Variants in MGAT5B observed in about 807,000 individuals in gnomAD.
MGAT5B encodes the protein alpha-1,6-mannosylglycoprotein 6-beta-N-acetylglucosaminyltransferase B.
A neutral mutation model predicts 95.1 loss-of-function variants in MGAT5B; 54 were observed. That is an observed-to-expected ratio of 0.57 (90% CI 0.46 to 0.71). MGAT5B has a LOEUF of 0.71. MGAT5B is among the 30% of genes least tolerant of loss of function. The pLI is 0.00. For missense variants in MGAT5B, 935 were observed against 1,088.6 expected (o/e 0.86, Z 1.99); for synonymous variants, 464 against 451.0 (o/e 1.03, Z -0.36).
intron 1 of MGAT5B, among the ~76,000 whole-genome samples, chr17:76,871,616 G>C (rs1207004326): frequency 6.6e-6 from 1 of 152,224 alleles, no homozygotes; most frequent in East Asian, 1.9e-4. Context: ...AAATAATGAA[G>C]ATTAAAATGC....
At chr17:76,883,645 T>C (rs560622881) in intron 3 of MGAT5B, among the ~76,000 whole-genome samples, 25 of 152,340 alleles carry the variant, frequency 1.6e-4, no homozygotes, top group Admixed American at 1.6e-3. Flanking sequence ...CGAGCTCCAC[T>C]TTCCCTCTTT....
At position 76,916,365 on chromosome 17, in the gene MGAT5B, G is replaced by A. The variant is rs139053977; in HGVS notation, c.1026-8601G>A. Among the ~76,000 whole-genome samples the A allele has an allele frequency of 4.5e-4, 69 of 152,368 alleles. No homozygotes were observed. The East Asian group carries it at 0.011, about 25-fold the overall frequency. On this transcript the variant is annotated intron_variant, in intron 8 of 17. Transcript: ENST00000569840. The surrounding 1 kb of genome is among the most constrained non-coding windows in gnomAD (Gnocchi z 5.3). ...AAGCAAGACCGATGGAGGCCGTGCC[G>A]TGTCGCCTTTCCCAGCTCTGGCCTG...
At chr17:76,896,889 C>T (rs540420866) in intron 3 of MGAT5B, among the ~76,000 whole-genome samples, 135 of 152,234 alleles carry the variant, frequency 8.9e-4, no homozygotes, top group Admixed American at 1.5e-3. Context: ...TTCTTGACAG[C>T]AGGAGCATCC....
rs1967057258 is a variant in MGAT5B, at chr17:76,872,836, C to T, written c.69-15C>T. The T allele has an allele frequency of 6.2e-7, 1 of 1,614,092 alleles. No individual in the cohort carries two copies. The highest frequency in any genetic ancestry group is 1.3e-5 in the African/African-American group (1 of 74,940). ...CCCTTCCTGCCCTCCTGACCCGCCTCCTTCCTCTCCGCAGGCTTTTTGTCC... is the reference window on the plus strand; with the variant it reads ...CCCTTCCTGCCCTCCTGACCCGCCTTCTTCCTCTCCGCAGGCTTTTTGTCC... On this transcript the variant is annotated splice_polypyrimidine_tract_variant and intron_variant, in intron 1 of 17. Transcript: ENST00000569840.
At chr17:76,897,048 T>C (rs954380183) in intron 3 of MGAT5B, among the ~76,000 whole-genome samples, 1 of 152,126 alleles carries the variant, frequency 6.6e-6, no homozygotes, top group Non-Finnish European at 1.5e-5. Flanking sequence ...TCTGAGTAGC[T>C]GGGACCACAG....
rs1598938274 is a variant in MGAT5B, at chr17:76,905,335, T to G, written c.855+2T>G. The G allele has an allele frequency of 6.3e-7, 1 of 1,581,488 alleles. No homozygotes were observed. The highest frequency in any genetic ancestry group is 8.6e-7 in the Non-Finnish European group (1 of 1,158,846). On this transcript the variant is annotated splice_donor_variant, in intron 7 of 17. Coordinates refer to ENST00000569840, the MANE Select transcript of MGAT5B (RefSeq NM_001199172.2). LOFTEE classifies it high-confidence loss of function. This position sits in a 1 kb window ranked among gnomAD's most constrained non-coding sequence, Gnocchi z 4.2. ...GCCACCCAGAGGGACCAGAAGCAGG[T>G]GCGTGGCCCCTGCCCCCTCATGTGC...
At chr17:76,911,237 T>C (rs1030880728) in intron 8 of MGAT5B, among the ~76,000 whole-genome samples, 2 of 152,218 alleles carry the variant, frequency 1.3e-5, no homozygotes, top group African/African-American at 4.8e-5. Flanking sequence ...GGCTGTGGCT[T>C]TTCTAAGCCC....
Position 76,907,573 on chromosome 17 carries a change from C to G in MGAT5B, c.1025+1386C>G, listed in dbSNP as rs114593264. 7.9e-3 allele frequency among the ~76,000 whole-genome samples: 1,198 copies of G among 152,246 alleles called. 11 individuals are homozygous for G. The highest frequency in any genetic ancestry group is 0.041 in the East Asian group (212 of 5,188). Reference sequence around the variant, plus strand: ...TCATTTTCACTGCTATATAATATTCCATTGTGTGAATGTGCCATAATTATG... The same window carrying G: ...TCATTTTCACTGCTATATAATATTCGATTGTGTGAATGTGCCATAATTATG... On this transcript the variant is annotated intron_variant, in intron 8 of 17. Transcript: ENST00000569840.
chr17:76,913,656 A>G (rs752207554), intron 8 of MGAT5B: 5 of 504,762 alleles, frequency 9.9e-6, no homozygotes, highest in Non-Finnish European at 2.0e-5. Context: ...CAACACAGAA[A>G]GGCCTCTTAC....
chr17:76,948,503 T>C (rs11870033), intron 17 of MGAT5B, 137 bp from the exon 18 acceptor site: 436,034 of 940,024 alleles, frequency 0.46, 105,570 homozygotes, highest in African/African-American at 0.58. Flanking sequence ...CGTAACACAT[T>C]TCCTTACCCA....
In MGAT5B at chr17:76,950,316, C is replaced by T. The variant is rs2145300245; in HGVS notation, c.*1478C>T. ...TGTGGGGGAAAGCAATAGAGACACT[C>T]TTTTTCTCTCTTTTTTTTAAAGATT... On this transcript the variant is annotated 3_prime_UTR_variant, in exon 18 of 18. Transcript: ENST00000569840. 3 of 72,578 alleles carry T rather than the reference C, an allele frequency of 4.1e-5. No homozygotes were observed. Among genetic ancestry groups the T allele is most frequent in the Middle Eastern group, 0.014 (2 of 142 alleles). 4.5% of individuals were successfully genotyped at this position (72,578 alleles called of 1,614,324 possible).
intron 3 of MGAT5B, among the ~76,000 whole-genome samples, chr17:76,887,607 G>A: frequency 6.9e-6 from 1 of 145,440 alleles, no homozygotes; most frequent in East Asian, 2.0e-4. Context: ...AGGCTGGAGT[G>A]CAGTGGTATG....
chr17:76,925,926 G>A (rs933050907), intron 9 of MGAT5B, among the ~76,000 whole-genome samples: 3 of 152,144 alleles, frequency 2.0e-5, no homozygotes, highest in Non-Finnish European at 2.9e-5. Flanking sequence ...CTCGGAGTTC[G>A]TCTGGCCCTG....
intron 10 of MGAT5B, among the ~76,000 whole-genome samples, 158 bp downstream of exon 10, chr17:76,926,888 A>AGT (rs1473079365): frequency 6.6e-6 from 1 of 152,012 alleles, no homozygotes; most frequent in South Asian, 2.1e-4. Context: ...CTGCTCCATA[A>AGT]GTGTGTGAAC....
chr17:76,881,545 C>T (rs540080384), intron 2 of MGAT5B, among the ~76,000 whole-genome samples: 1 of 152,324 alleles, frequency 6.6e-6, no homozygotes, highest in East Asian at 1.9e-4. Context: ...TCCCAACTTC[C>T]CTGCATGTCC....
intron 3 of MGAT5B, among the ~76,000 whole-genome samples, chr17:76,887,156 C>T (rs1222630153): frequency 1.3e-5 from 2 of 152,216 alleles, no homozygotes; most frequent in African/African-American, 2.4e-5. Flanking sequence ...TGCTGACCCA[C>T]CTGGGTGTCC....
At chr17:76,942,910 G>C (rs1264302191) in intron 15 of MGAT5B, among the ~76,000 whole-genome samples, 1 of 152,196 alleles carries the variant, frequency 6.6e-6, no homozygotes, top group East Asian at 1.9e-4. Context: ...CTGCAGAGGG[G>C]CTCGGGCAAG....
intron 1 of MGAT5B, 50 bp from the exon 2 acceptor site, chr17:76,872,801 G>A: frequency 1.9e-6 from 3 of 1,614,070 alleles, no homozygotes. Flanking sequence ...GGAGCGTCAG[G>A]GCACGATGGC....
chr17:76,949,007 G>A lies in MGAT5B; in HGVS notation c.*169G>A. On this transcript the variant is annotated 3_prime_UTR_variant, in exon 18 of 18. Coordinates refer to ENST00000569840, the MANE Select transcript of MGAT5B (RefSeq NM_001199172.2). Reference sequence around the variant, plus strand: ...AGAGGAGAGCCGTGCCCGGGAATAGGAGGAGGCAGCATGCCGAGCCCCTGG... The same window carrying A: ...AGAGGAGAGCCGTGCCCGGGAATAGAAGGAGGCAGCATGCCGAGCCCCTGG... 1 of 794,184 alleles carries A rather than the reference G, an allele frequency of 1.3e-6. No individual in the cohort carries two copies. The highest frequency in any genetic ancestry group is 1.9e-6 in the Non-Finnish European group (1 of 514,180). The allele number at this position is 794,184 out of a possible 1,614,324, so 49.2% of individuals were successfully genotyped here.
Sources: gnomAD v4.1 joint callset for allele counts (sites outside exome capture counted in the v4.1 genomes callset) on GRCh38, gnomAD v4.1.1 for gene constraint, Gnocchi (gnomAD v3.1) non-coding constraint, MANE v1.5 for transcripts, NCBI Gene and HGNC (gene_info 2026-07-23, HGNC 2026-07-21) for gene names.